The following LARP1 variants were observed in gnomAD, a reference collection of about 807,000 sequenced individuals.
The protein encoded by LARP1 is la-related protein 1.
In LARP1, 36 loss-of-function variants were observed where a neutral mutation model predicts 122.7. The observed-to-expected ratio is 0.29, with a 90% CI of 0.22 to 0.39. The LOEUF (loss-of-function observed/expected upper bound fraction) is 0.39, where lower values mean the gene tolerates loss of function less well. LARP1 is among the 10% of genes least tolerant of loss of function. The pLI is 1.00. For missense variants in LARP1, 1,040 were observed against 1,403.6 expected, an observed-to-expected ratio of 0.74 and a Z score of 4.14; for synonymous variants, 539 against 528.7, an observed-to-expected ratio of 1.02 and a Z score of -0.27.
upstream of LARP1, among the ~76,000 whole-genome samples, chr5:154,750,412 G>A (rs1753425557): frequency 1.3e-5 from 2 of 152,104 alleles, no homozygotes; most frequent in Admixed American, 1.3e-4. Context: ...TGGGACTACA[G>A]GTGTGTGCCA....
chr5:154,769,206 TAA>T (rs1174702196), intron 1 of LARP1, among the ~76,000 whole-genome samples: 1 of 152,096 alleles, frequency 6.6e-6, no homozygotes, highest in African/African-American at 2.4e-5. Context: ...GTTATAGGGG[TAA>T]AAATGAGAAG....
chr5:154,813,923 T>C lies in LARP1; in HGVS notation c.3118T>C (p.Ser1040Pro), dbSNP rs1278679172. 4.3e-6 allele frequency: 7 copies of C among 1,614,016 alleles called. No individual in the cohort carries two copies. The highest frequency in any genetic ancestry group is 1.7e-6 in the Non-Finnish European group (2 of 1,179,972). The change falls in exon 19 of 19, where the codon TCA (serine) becomes CCA (proline). Residue 1040 changes from serine to proline, a missense_variant. By Grantham distance (74) the Ser-to-Pro change is moderately conservative. Around this residue, in one of 8 missense-constraint regions of LARP1, gnomAD observed 129 missense variants for 160.8 expected, o/e 0.80. Transcript: ENST00000518297. The part of the protein sequence containing the change: ...MGEEGNHKRH[S>P]VVAGGGGGEG... The stretch of plus-strand genomic sequence containing the variant: ...TGAGGAGGGCAACCACAAGCGACAC[T>C]CAGTGGTAGCAGGAGGTGGCGGCGG...
intron 18 of LARP1, among the ~76,000 whole-genome samples, chr5:154,812,615 G>T (rs1282516797): frequency 6.7e-6 from 1 of 148,924 alleles, no homozygotes; most frequent in Non-Finnish European, 1.5e-5. Context: ...CGCCTCCCGG[G>T]TTTAAGTGAT....
intron 15 of LARP1, among the ~76,000 whole-genome samples, chr5:154,806,878 T>C (rs1387982914): frequency 6.6e-6 from 1 of 152,240 alleles, no homozygotes; most frequent in African/African-American, 2.4e-5. Context: ...TGTACTCATA[T>C]AGTTGTGTGC....
intron 1 of LARP1, among the ~76,000 whole-genome samples, chr5:154,715,970 C>T (rs759503278): frequency 7.9e-5 from 12 of 152,220 alleles, no homozygotes; most frequent in Admixed American, 6.5e-5. Context: ...AATAAAATTA[C>T]TCAGACAAGC....
In LARP1 at chr5:154,803,470, C is replaced by A; in HGVS notation, c.2233+57C>A. 1 of 1,614,006 alleles carries A rather than the reference C, an allele frequency of 6.2e-7. No homozygotes were observed. Among genetic ancestry groups the A allele is most frequent in the African/African-American group, 1.3e-5 (1 of 75,004 alleles). ...GGTGAGAGGATCTAGGGCCCTTGGA[C>A]TGGGGGCTATCCTGGGGTGGATGCC... On this transcript the variant is annotated intron_variant, in intron 12 of 18. Coordinates refer to ENST00000518297, the MANE Select transcript of LARP1 (RefSeq NM_033551.3). The surrounding 1 kb of genome is among the most constrained non-coding windows in gnomAD (Gnocchi z 4.4).
Position 154,802,485 on chromosome 5 carries a change from T to C in LARP1, c.2109+86T>C. On this transcript the variant is annotated intron_variant, in intron 11 of 18. Transcript: ENST00000518297. The surrounding 1 kb of genome is among the most constrained non-coding windows in gnomAD (Gnocchi z 5.1). ...GGAAGCCTGATTAGCTGTGCAATTTTAGGCAGGTCCTTATAATTCAGAGTC... is the reference window on the plus strand; with the variant it reads ...GGAAGCCTGATTAGCTGTGCAATTTCAGGCAGGTCCTTATAATTCAGAGTC... The C allele has an allele frequency of 1.4e-6, 2 of 1,447,348 alleles. No individual in the cohort carries two copies. The highest frequency in any genetic ancestry group is 1.8e-6 in the Non-Finnish European group (2 of 1,089,294). The allele number at this position is 1,447,348 out of a possible 1,614,324, so 89.7% of individuals were successfully genotyped here. A position where few individuals can be genotyped will look rare whatever the true frequency, so the allele number is the denominator to read the frequency against.
intron 18 of LARP1, among the ~76,000 whole-genome samples, chr5:154,812,377 A>C (rs1000037353): frequency 1.3e-5 from 2 of 152,190 alleles, no homozygotes; most frequent in African/African-American, 4.8e-5. Context: ...AAAGAGGTTT[A>C]ATTGACTCAC....
intron 1 of LARP1, among the ~76,000 whole-genome samples, chr5:154,702,189 C>T (rs1164206726): frequency 6.6e-6 from 1 of 152,170 alleles, no homozygotes; most frequent in African/African-American, 2.4e-5. Flanking sequence ...TCCCTCTCAC[C>T]TGCATTCTGG....
intron 1 of LARP1, among the ~76,000 whole-genome samples, chr5:154,733,979 A>G (rs929049137): frequency 6.6e-6 from 1 of 152,056 alleles, no homozygotes; most frequent in Non-Finnish European, 1.5e-5. Flanking sequence ...CATCCTGGCT[A>G]ACATGGTGAA....
In LARP1 at chr5:154,743,574, G is replaced by C. The variant is rs528446228; in HGVS notation, c.205+30444G>C. Among the ~76,000 whole-genome samples the C allele has an allele frequency of 1.5e-4, 22 of 151,482 alleles. No homozygotes were observed. The South Asian group carries it at 4.2e-3, about 29-fold the overall frequency. ...TCCACCCGCCTTGGCCTCCCAAAGT[G>C]CTGGGATTACAAGAGTGAGCCACTG... On this transcript the variant is annotated intron_variant, in intron 1 of 18. Coordinates refer to the LARP1 transcript ENST00000336314.
intron 1 of LARP1, among the ~76,000 whole-genome samples, chr5:154,779,370 G>A (rs1334591087): frequency 6.6e-6 from 1 of 152,088 alleles, no homozygotes; most frequent in Non-Finnish European, 1.5e-5. Flanking sequence ...GATGGCTCTT[G>A]GTTAGTACAT....
At chr5:154,718,804 TC>T (rs1755675199) in intron 1 of LARP1, 1 of 152,234 alleles carries the variant, frequency 6.6e-6, no homozygotes, top group Admixed American at 6.5e-5. Context: ...ATGATCAGAC[TC>T]TGAGATCTCT....
At chr5:154,724,797 G>C (rs1345218569) in intron 1 of LARP1, among the ~76,000 whole-genome samples, 1 of 151,872 alleles carries the variant, frequency 6.6e-6, no homozygotes, top group Non-Finnish European at 1.5e-5. Flanking sequence ...CTGCCAAGTA[G>C]CTGAGACTAC....
At position 154,793,653 on chromosome 5, in the gene LARP1, G is replaced by A; in HGVS notation, c.798G>A (p.Glu266=). The change falls in exon 5 of 19, where the codon GAG becomes GAA. Residue 266 remains glutamate (E), a synonymous_variant. Transcript: ENST00000518297. Reference sequence around the variant, plus strand: ...ACATGAAGCCTGAAGTGCCCAGAGAGAAACTGGCTTCACGCCCCACTCGCC... The same window carrying A: ...ACATGAAGCCTGAAGTGCCCAGAGAAAAACTGGCTTCACGCCCCACTCGCC... ...QIDMKPEVPR[E]KLASRPTRPP... The A allele has an allele frequency of 6.2e-7, 1 of 1,614,200 alleles. No individual in the cohort carries two copies. The highest frequency in any genetic ancestry group is 8.5e-7 in the Non-Finnish European group (1 of 1,180,044).
At chr5:154,779,533 A>G (rs1458022437) in intron 1 of LARP1, among the ~76,000 whole-genome samples, 3 of 118,580 alleles carry the variant, frequency 2.5e-5, no homozygotes, top group South Asian at 2.7e-4. Context: ...TTTGAGATAG[A>G]GTTTTGCTGT....
At chr5:154,701,523 CT>C (rs1472723353) in intron 1 of LARP1, among the ~76,000 whole-genome samples, 1 of 152,132 alleles carries the variant, frequency 6.6e-6, no homozygotes, top group African/African-American at 2.4e-5. Context: ...GTCAGACCCC[CT>C]GGTCACAGTG....
In LARP1 at chr5:154,795,277, C is replaced by T. The variant is rs1757658925; in HGVS notation, c.1335C>T (p.His445=). 3.1e-6 allele frequency: 5 copies of T among 1,614,104 alleles called. No homozygotes were observed. The highest frequency in any genetic ancestry group is 4.2e-6 in the Non-Finnish European group (5 of 1,179,988). ...FLPITLIASF[H]RVQALTTDIS... Reference sequence around the variant, plus strand: ...CCATCACCCTTATTGCTTCCTTCCACCGAGTGCAGGCCCTTACCACTGACA... The same window carrying T: ...CCATCACCCTTATTGCTTCCTTCCATCGAGTGCAGGCCCTTACCACTGACA... The change falls in exon 8 of 19, where the codon CAC becomes CAT. Residue 445 remains histidine (H), a synonymous_variant. Transcript: ENST00000518297.
intron 1 of LARP1, among the ~76,000 whole-genome samples, chr5:154,686,052 A>T (rs1257866408): frequency 6.6e-6 from 1 of 152,206 alleles, no homozygotes; most frequent in Non-Finnish European, 1.5e-5. Flanking sequence ...TGCCCCCTAC[A>T]CTAGACTGTA....
Sources: gnomAD v4.1 joint callset for allele counts (sites outside exome capture counted in the v4.1 genomes callset) on GRCh38, gnomAD v4.1.1 for gene constraint, gnomAD v4.1.1 regional missense constraint, Gnocchi (gnomAD v3.1) non-coding constraint, MANE v1.5 for transcripts, NCBI Gene and HGNC (gene_info 2026-07-23, HGNC 2026-07-21) for gene names.